The following ATP13A3 variants were observed in gnomAD, a reference collection of about 807,000 sequenced individuals.
ATP13A3 encodes polyamine-transporting ATPase 13A3.
A neutral mutation model predicts 158.1 loss-of-function variants in ATP13A3; 59 were observed. The ratio of observed to expected loss-of-function variants is 0.37; its 90% CI spans 0.30 to 0.46. The LOEUF (loss-of-function observed/expected upper bound fraction) is 0.46. ATP13A3 is among the 20% of genes least tolerant of loss of function. The pLI, the probability that ATP13A3 is intolerant of heterozygous loss-of-function variation, is 1.00. For missense variants in ATP13A3, 1,166 were observed against 1,525.2 expected (o/e 0.76, Z 3.92); for synonymous variants, 491 against 504.3 (o/e 0.97, Z 0.35).
upstream of ATP13A3, chr3:194,488,736 G>T (rs1721101948): frequency 6.6e-6 from 1 of 152,258 alleles, no homozygotes; most frequent in Non-Finnish European, 1.5e-5. The surrounding 1 kb of genome is among the most constrained non-coding windows in gnomAD (Gnocchi z 4.1). Flanking sequence ...GGTAAGTAAA[G>T]CCTCTGCCTC....
chr3:194,483,576 C>T (rs1720845571), intron 2 of ATP13A3, among the ~76,000 whole-genome samples: 1 of 141,518 alleles, frequency 7.1e-6, no homozygotes, highest in African/African-American at 3.0e-5. Context: ...GGAGACAGAG[C>T]AAGACCCTAT....
intron 32 of ATP13A3, among the ~76,000 whole-genome samples, chr3:194,413,365 C>T (rs949284783): frequency 1.3e-5 from 2 of 151,998 alleles, no homozygotes; most frequent in African/African-American, 4.8e-5. Flanking sequence ...TGGAGAATGG[C>T]CCTCCCCCTT....
chr3:194,479,617 C>G (rs895092502), intron 2 of ATP13A3, among the ~76,000 whole-genome samples: 8 of 151,432 alleles, frequency 5.3e-5, no homozygotes, highest in Non-Finnish European at 1.2e-4. Context: ...AATCTTCGGT[C>G]TATAAGGAAC....
upstream of ATP13A3, among the ~76,000 whole-genome samples, chr3:194,491,160 A>G (rs1389884673): frequency 2.0e-5 from 3 of 152,092 alleles, no homozygotes; most frequent in African/African-American, 7.2e-5. Flanking sequence ...AATGTCAACC[A>G]TATGCCTGCA....
intron 2 of ATP13A3, among the ~76,000 whole-genome samples, chr3:194,467,179 G>A (rs985476564): frequency 6.6e-6 from 1 of 152,216 alleles, no homozygotes; most frequent in Admixed American, 6.5e-5. Flanking sequence ...GAAAGGAACT[G>A]CCGTTAAAAT....
At chr3:194,441,506 C>T in intron 15 of ATP13A3, 45 bp from the exon 16 acceptor site, 1 of 1,538,160 alleles carries the variant, frequency 6.5e-7, no homozygotes, top group Non-Finnish European at 8.9e-7. Context: ...TTCTAAGATT[C>T]AAGATAATAT....
At chr3:194,406,532 T>C (rs1389868085) in intron 33 of ATP13A3, among the ~76,000 whole-genome samples, 2 of 152,246 alleles carry the variant, frequency 1.3e-5, no homozygotes, top group African/African-American at 2.4e-5. Context: ...TGTGTACTAA[T>C]ACCTTTTAAA....
At chr3:194,424,649 A>G (rs71316301) in intron 30 of ATP13A3, among the ~76,000 whole-genome samples, 14,290 of 152,214 alleles carry the variant, frequency 0.094, 815 homozygotes, top group Middle Eastern at 0.14. Flanking sequence ...GTTGTTCCAT[A>G]TATTAGTGTA....
upstream of ATP13A3, among the ~76,000 whole-genome samples, chr3:194,490,568 C>A (rs1235811909): frequency 6.6e-6 from 1 of 152,184 alleles, no homozygotes; most frequent in Admixed American, 6.5e-5. The surrounding 1 kb of genome is among the most constrained non-coding windows in gnomAD (Gnocchi z 4.4). Flanking sequence ...AGGCTCAACC[C>A]AGGATCCATT....
rs569421747 is a variant in ATP13A3, at chr3:194,442,573, G to A, written c.1560-1112C>T. ...CACTGTAGATGCGAGAGTAGGGGTG[G>A]GAGCAGACTTGGAAAGAACCAAGTA... is the stretch of plus-strand genomic sequence containing the variant. On this transcript the variant is annotated intron_variant, in intron 15 of 33. Transcript: ENST00000645319. 7.2e-5 allele frequency among the ~76,000 whole-genome samples: 11 copies of A among 152,202 alleles called. No homozygotes were observed. The East Asian group carries it at 2.1e-3, about 29-fold the overall frequency.
chr3:194,458,683 C>T (rs546124500), intron 6 of ATP13A3, among the ~76,000 whole-genome samples: 8 of 152,228 alleles, frequency 5.3e-5, no homozygotes, highest in African/African-American at 1.2e-4. Context: ...ACACCATGCC[C>T]GGCCTGATTT....
At chr3:194,446,189 C>T (rs1560094968) in intron 14 of ATP13A3, among the ~76,000 whole-genome samples, 1 of 152,138 alleles carries the variant, frequency 6.6e-6, no homozygotes, top group Non-Finnish European at 1.5e-5. Context: ...ATAGCATGTC[C>T]TCAAATACGA....
At chr3:194,414,397 A>T in intron 31 of ATP13A3, among the ~76,000 whole-genome samples, 1 of 151,076 alleles carries the variant, frequency 6.6e-6, no homozygotes, top group Non-Finnish European at 1.5e-5. Context: ...TGGGAAGTGG[A>T]GGCTGCAGTG....
intron 2 of ATP13A3, among the ~76,000 whole-genome samples, chr3:194,476,058 A>G (rs1013937431): frequency 9.2e-5 from 14 of 152,188 alleles, no homozygotes; most frequent in Non-Finnish European, 1.8e-4. Flanking sequence ...TGTACTTGAA[A>G]TGCATTTCTC....
Position 194,413,682 on chromosome 3 carries a change from C to T in ATP13A3, c.3483+77G>A, listed in dbSNP as rs980714010. Reference sequence around the variant, plus strand: ...GTGGCTTTCCATTATATTACCTGCCCTCTTCTCCCATTTACCATTAAATCA... The same window carrying T: ...GTGGCTTTCCATTATATTACCTGCCTTCTTCTCCCATTTACCATTAAATCA... On this transcript the variant is annotated intron_variant, in intron 32 of 33. Transcript: ENST00000645319. 7 of 1,267,284 alleles carry T rather than the reference C, an allele frequency of 5.5e-6. No homozygotes were observed. The African/African-American group carries it at 1.0e-4, about 19-fold the overall frequency. The allele number at this position is 1,267,284 out of a possible 1,614,324, so 78.5% of individuals were successfully genotyped here. A position where few individuals can be genotyped will look rare whatever the true frequency, so the allele number is the denominator to read the frequency against.
chr3:194,446,160 A>C (rs1718387158), intron 14 of ATP13A3, among the ~76,000 whole-genome samples: 2 of 152,226 alleles, frequency 1.3e-5, no homozygotes, highest in Non-Finnish European at 2.9e-5. Flanking sequence ...AAGTATTAAA[A>C]ATTGAGAAAA....
chr3:194,403,165 T>G lies in ATP13A3; in HGVS notation c.*2754A>C, dbSNP rs889981610. On this transcript the variant is annotated 3_prime_UTR_variant, in exon 34 of 34. Transcript: ENST00000645319. ...ACAGACTACATAAACATTGATATAT[T>G]ATTTACCATGCCTTTGAAACTGTGC... 5 of 152,242 alleles carry G rather than the reference T, an allele frequency of 3.3e-5. No homozygotes were observed. The highest frequency in any genetic ancestry group is 7.3e-5 in the Non-Finnish European group (5 of 68,038). The allele number at this position is 152,242 out of a possible 1,614,324, so 9.4% of individuals were successfully genotyped here. A position where few individuals can be genotyped will look rare whatever the true frequency, so the allele number is the denominator to read the frequency against.
At chr3:194,413,471 T>C (rs931151565) in intron 32 of ATP13A3, among the ~76,000 whole-genome samples, 5 of 152,216 alleles carry the variant, frequency 3.3e-5, no homozygotes, top group African/African-American at 1.2e-4. Flanking sequence ...ATCAGTTTCA[T>C]GGGCCACCGA....
chr3:194,466,036 T>C (rs1253603070), intron 2 of ATP13A3, among the ~76,000 whole-genome samples: 1 of 151,550 alleles, frequency 6.6e-6, no homozygotes, highest in Non-Finnish European at 1.5e-5. Flanking sequence ...GTCATCAAAG[T>C]GGAAAATACA....
Sources: allele counts gnomAD v4.1 joint callset (sites outside exome capture counted in the v4.1 genomes callset), GRCh38; gene constraint gnomAD v4.1.1; non-coding constraint Gnocchi (gnomAD v3.1); transcripts MANE v1.5; gene names NCBI Gene and HGNC (gene_info 2026-07-23, HGNC 2026-07-21).